The following CIP2A variants were observed in gnomAD, a reference collection of about 807,000 sequenced individuals.
CIP2A encodes the protein protein CIP2A.
In CIP2A, 103 loss-of-function variants were observed where a neutral mutation model predicts 110.9. The ratio of observed to expected loss-of-function variants is 0.93; its 90% CI spans 0.79 to 1.09. The LOEUF is 1.09. CIP2A is among the 50% of genes least tolerant of loss of function. The pLI is 0.00. For synonymous variants in CIP2A, 381 were observed against 361.6 expected, an observed-to-expected ratio of 1.05 and a Z score of -0.61; for missense variants, 1,088 against 1,038.4, an observed-to-expected ratio of 1.05 and a Z score of -0.66.
Position 108,579,454 on chromosome 3 carries a change from T to C in CIP2A, c.673-28A>G, listed in dbSNP as rs1037914651. 3 of 1,581,884 alleles carry C rather than the reference T, an allele frequency of 1.9e-6. No individual in the cohort carries two copies. In the African/African-American group the frequency reaches 4.1e-5, roughly 22 times the overall value. On this transcript the variant is annotated intron_variant, in intron 6 of 20. Transcript: ENST00000295746. ...TAAGGACAAATTAGAAAAAGCATAT[T>C]AGACAAAAAATTAAGTTGACACCAT...
At chr3:108,557,695 A>G (rs908096523) in intron 16 of CIP2A, among the ~76,000 whole-genome samples, 4 of 152,140 alleles carry the variant, frequency 2.6e-5, no homozygotes, top group Non-Finnish European at 2.9e-5. Context: ...TACATACAGT[A>G]TTCAATTAAA....
chr3:108,554,600 G>A, intron 17 of CIP2A, 111 bp from the exon 18 acceptor site: 3 of 548,484 alleles, frequency 5.5e-6, no homozygotes, highest in South Asian at 2.6e-5. Flanking sequence ...TGCATATGCT[G>A]GAAGAGAAGG....
At position 108,569,369 on chromosome 3, in the gene CIP2A, T is replaced by C. The variant is rs1938305749; in HGVS notation, c.1113+20A>G. On this transcript the variant is annotated intron_variant, in intron 9 of 20. Transcript: ENST00000295746. The stretch of plus-strand genomic sequence containing the variant: ...AGAGTCACAAAAGTAGAAAAGTCAA[T>C]CTGTCAGTCATCCTATTACCTCAAA... 6.4e-7 allele frequency: 1 copy of C among 1,554,348 alleles called. No homozygotes were observed.
At chr3:108,585,701 G>GTA (rs1376861999) in intron 1 of CIP2A, 1 of 456,438 alleles carries the variant, frequency 2.2e-6, no homozygotes, top group Admixed American at 2.4e-5. Flanking sequence ...AGCCCAGAGG[G>GTA]TAGTTATGGG....
intron 7 of CIP2A, among the ~76,000 whole-genome samples, chr3:108,578,961 T>C (rs2278909): frequency 5.9e-5 from 9 of 152,176 alleles, no homozygotes; most frequent in African/African-American, 1.7e-4. Flanking sequence ...AAATACTCTT[T>C]CAAATAATCG....
intron 18 of CIP2A, among the ~76,000 whole-genome samples, 200 bp downstream of exon 18, chr3:108,554,176 G>A (rs62266392): frequency 0.092 from 14,047 of 152,080 alleles, 870 homozygotes; most frequent in Non-Finnish European, 0.13. Flanking sequence ...GATTATAGGC[G>A]TGAGCTACCA....
chr3:108,560,950 A>T (rs894525055), intron 13 of CIP2A, 109 bp from the exon 14 acceptor site: 2 of 620,860 alleles, frequency 3.2e-6, no homozygotes, highest in Non-Finnish European at 5.3e-6. Flanking sequence ...TTTTGAATAG[A>T]AGTCTTCAAA....
At chr3:108,563,060 G>A (rs1238635721) in intron 13 of CIP2A, 66 bp downstream of exon 13, 4 of 960,724 alleles carry the variant, frequency 4.2e-6, no homozygotes, top group South Asian at 2.6e-5. Context: ...CTATACTGAG[G>A]ACTAAAGAGA....
chr3:108,576,156 T>G (rs1027598769), intron 8 of CIP2A, 115 bp downstream of exon 8: 17 of 591,310 alleles, frequency 2.9e-5, no homozygotes, highest in Non-Finnish European at 5.1e-5. Flanking sequence ...TGTGTCCCTA[T>G]TATAAAAATA....
intron 2 of CIP2A, 112 bp from the exon 3 acceptor site, chr3:108,583,195 C>T (rs373572506): frequency 1.4e-4 from 70 of 484,238 alleles, no homozygotes; most frequent in African/African-American, 1.2e-3. Flanking sequence ...TATGATATGG[C>T]TATTTTCTTA....
chr3:108,557,726 A>G (rs1277826759), intron 16 of CIP2A, among the ~76,000 whole-genome samples: 1 of 152,174 alleles, frequency 6.6e-6, no homozygotes, highest in Non-Finnish European at 1.5e-5. Flanking sequence ...CCTCAGAGGT[A>G]GCCATTAACA....
In CIP2A at chr3:108,558,199, G is replaced by A. The variant is rs370051190; in HGVS notation, c.2014-785C>T. On this transcript the variant is annotated intron_variant, in intron 16 of 20. Transcript: ENST00000295746. Reference sequence around the variant, plus strand: ...TCACTAATGTTCTTTCTTGTAATTTGTGACAAATTCAACATACCAGTTAAG... The same window carrying A: ...TCACTAATGTTCTTTCTTGTAATTTATGACAAATTCAACATACCAGTTAAG... Among the ~76,000 whole-genome samples the A allele has an allele frequency of 1.1e-4, 16 of 152,088 alleles. 1 individual carries two copies. Among genetic ancestry groups the A allele is most frequent in the Admixed American group, 6.6e-4 (10 of 15,246 alleles).
In CIP2A at chr3:108,557,300, G is replaced by T. The variant is rs1052739330; in HGVS notation, c.2128C>A (p.Leu710Ile). 1 of 1,611,490 alleles carries T rather than the reference G, an allele frequency of 6.2e-7. No individual in the cohort carries two copies. Among genetic ancestry groups the T allele is most frequent in the African/African-American group, 1.3e-5 (1 of 74,938 alleles). The change falls in exon 17 of 21, where the codon CTC becomes ATC. Residue 710 changes from leucine to isoleucine, a missense_variant. Physicochemically the swap from Leu to Ile is conservative, Grantham distance 5. Transcript: ENST00000295746. Reference protein sequence around the residue: ...SERAQSDIEHLFQHNRKLESV... With the variant: ...SERAQSDIEHIFQHNRKLESV... Reference sequence around the variant, plus strand: ...TCTAACTTCCTATTATGTTGAAAGAGATGCTCAATATCACTCTGCGCTCTT... The same window carrying T: ...TCTAACTTCCTATTATGTTGAAAGATATGCTCAATATCACTCTGCGCTCTT...
chr3:108,561,001 T>C (rs1024738481), intron 13 of CIP2A, among the ~76,000 whole-genome samples, 160 bp from the exon 14 acceptor site: 1 of 152,156 alleles, frequency 6.6e-6, no homozygotes, highest in East Asian at 1.9e-4. Context: ...TTGGGAAATA[T>C]TCTGAATTTT....
rs148115475 is a variant in CIP2A at position 108,572,440 on chromosome 3, T to C, written c.895-2833A>G. ...TATTCAATTGACCCAGCGTCATTTA[T>C]TGAAATGACCATACTTTTAAGACTC... On this transcript the variant is annotated intron_variant, in intron 8 of 20. Transcript: ENST00000295746. 5.0e-3 allele frequency among the ~76,000 whole-genome samples: 767 copies of C among 152,196 alleles called. 4 individuals carry two copies. Among genetic ancestry groups the C allele is most frequent in the African/African-American group, 0.018 (740 of 41,560 alleles).
chr3:108,581,329 T>C (rs1938869401), intron 5 of CIP2A, 86 bp downstream of exon 5: 1 of 941,760 alleles, frequency 1.1e-6, no homozygotes, highest in South Asian at 1.6e-5. Flanking sequence ...TTCAAATTTG[T>C]TTTAAAGAAA....
Position 108,589,366 on chromosome 3 carries a change from T to C in CIP2A, c.10A>G (p.Thr4Ala). MDS[T>A]ACLKSLLLTV... ...AGGAGCAAGGACTTCAAGCAGGCAGTGGAGTCCATTGCACCGGCCGCGGCC... is the reference window on the plus strand; with the variant it reads ...AGGAGCAAGGACTTCAAGCAGGCAGCGGAGTCCATTGCACCGGCCGCGGCC... The change falls in exon 1 of 21, where the codon ACT (threonine) becomes GCT (alanine). Residue 4 changes from threonine to alanine, a missense_variant. Transcript: ENST00000295746. 17 of 1,613,106 alleles carry C rather than the reference T, an allele frequency of 1.1e-5. No individual in the cohort carries two copies. The highest frequency in any genetic ancestry group is 1.4e-5 in the Non-Finnish European group (17 of 1,179,430).
In CIP2A at chr3:108,567,151, C is replaced by A. The variant is rs116058578; in HGVS notation, c.1274-513G>T. Among the ~76,000 whole-genome samples the A allele has an allele frequency of 7.8e-3, 1,191 of 151,822 alleles. 24 individuals are homozygous for A. The highest frequency in any genetic ancestry group is 0.028 in the African/African-American group (1,146 of 41,468). ...GTTTAAACAATCACAAACAAAAAAG[C>A]CAACATGCAAACACACACCACCTAA... On this transcript the variant is annotated intron_variant, in intron 10 of 20. Coordinates refer to ENST00000295746, the MANE Select transcript of CIP2A (RefSeq NM_020890.3).
chr3:108,565,876 T>C (rs998975226), intron 11 of CIP2A, among the ~76,000 whole-genome samples: 3 of 151,778 alleles, frequency 2.0e-5, no homozygotes, highest in African/African-American at 4.8e-5. Flanking sequence ...AGTATACAAA[T>C]ATAAAAACAG....
Sources: gnomAD v4.1 joint callset for allele counts (sites outside exome capture counted in the v4.1 genomes callset) on GRCh38, gnomAD v4.1.1 for gene constraint, MANE v1.5 for transcripts, NCBI Gene and HGNC (gene_info 2026-07-23, HGNC 2026-07-21) for gene names.